The following POU1F1 variants were observed in gnomAD, a reference collection of about 807,000 sequenced individuals.
The protein encoded by POU1F1 is POU class 1 homeobox 1, also known as pituitary-specific positive transcription factor 1.
A neutral mutation model predicts 32.3 loss-of-function variants in POU1F1; 23 were observed. The observed-to-expected ratio is 0.71, with a 90% CI of 0.51 to 1.01. The LOEUF is 1.01. Ranked by LOEUF, POU1F1 falls within the 50% of genes least tolerant of loss-of-function variation. The pLI, the probability that POU1F1 is intolerant of heterozygous loss-of-function variation, is 0.00. For synonymous variants in POU1F1, 120 were observed against 115.6 expected (o/e 1.04, Z -0.25); for missense variants, 323 against 341.6 (o/e 0.95, Z 0.43).
chr3:87,260,072 A>G lies in POU1F1; in HGVS notation c.698T>C (p.Phe233Ser), dbSNP rs1329413918. ...AGAAGAAGGTTTATTCTGTTCTCCA[A>G]AGTGTCTCTCCAGAGCATCTTTAGC... ...IAAKDALERH[F>S]GEQNKPSSQE... Residue 233 changes from phenylalanine to serine, a missense_variant, in exon 6 of 6, where the codon TTT becomes TCT. Transcript: ENST00000350375. 1.9e-6 allele frequency: 3 copies of G among 1,613,834 alleles called. No individual in the cohort carries two copies. Among genetic ancestry groups the G allele is most frequent in the Non-Finnish European group, 2.5e-6 (3 of 1,179,932 alleles).
chr3:87,272,483 T>C (rs1706746312), intron 2 of POU1F1, among the ~76,000 whole-genome samples: 1 of 152,166 alleles, frequency 6.6e-6, no homozygotes, highest in Non-Finnish European at 1.5e-5. Flanking sequence ...CTGCGCATAA[T>C]AAAACTGTGT....
chr3:87,262,528 A>G (rs1189283213), intron 3 of POU1F1, among the ~76,000 whole-genome samples: 2 of 152,112 alleles, frequency 1.3e-5, no homozygotes, highest in African/African-American at 2.4e-5. Context: ...TGTGTCCTAA[A>G]CACTTCATAA....
intron 1 of POU1F1, 176 bp from the exon 2 acceptor site, chr3:87,273,594 C>A (rs879768379): frequency 7.9e-7 from 1 of 1,262,856 alleles, no homozygotes; most frequent in Non-Finnish European, 1.1e-6. Context: ...ATGTTTTTCT[C>A]ATTTTGGGTA....
chr3:87,260,995 C>T (rs1410812063), intron 5 of POU1F1, among the ~76,000 whole-genome samples: 7 of 151,982 alleles, frequency 4.6e-5, no homozygotes, highest in Middle Eastern at 6.8e-3. Context: ...ACTGCAACCT[C>T]CGCCTCCCAG....
At chr3:87,272,112 C>G (rs1706738006) in intron 2 of POU1F1, among the ~76,000 whole-genome samples, 1 of 150,348 alleles carries the variant, frequency 6.7e-6, no homozygotes, top group Non-Finnish European at 1.5e-5. Flanking sequence ...TGTATCATAA[C>G]AAAACACAAG....
intron 4 of POU1F1, 68 bp from the exon 5 acceptor site, chr3:87,261,401 G>A (rs936514360): frequency 4.1e-6 from 5 of 1,223,158 alleles, no homozygotes; most frequent in African/African-American, 1.5e-5. Context: ...GATCTGATTT[G>A]GATTTCAAAT....
chr3:87,266,907 A>T (rs1329031239), intron 2 of POU1F1, among the ~76,000 whole-genome samples: 1 of 152,062 alleles, frequency 6.6e-6, no homozygotes, highest in Admixed American at 6.6e-5. Flanking sequence ...TAAAACCTTC[A>T]CTTCTTTGAT....
chr3:87,274,714 A>G (rs1158392237), intron 1 of POU1F1, among the ~76,000 whole-genome samples: 2 of 151,640 alleles, frequency 1.3e-5, no homozygotes, highest in Admixed American at 1.3e-4. Flanking sequence ...CAGTGTTTCT[A>G]TAATAGTTCC....
chr3:87,266,227 TTTAA>T (rs1202102850), intron 2 of POU1F1, among the ~76,000 whole-genome samples: 1 of 147,070 alleles, frequency 6.8e-6, no homozygotes, highest in Non-Finnish European at 1.5e-5. Context: ...ATTTATTTAA[TTTAA>T]TTTATTTATA....
chr3:87,261,627 T>G (rs1369963087), intron 4 of POU1F1, among the ~76,000 whole-genome samples: 1 of 152,180 alleles, frequency 6.6e-6, no homozygotes, highest in African/African-American at 2.4e-5. Context: ...GCTCTGACAT[T>G]TGTATGAGTA....
At position 87,262,189 on chromosome 3, in the gene POU1F1, G is replaced by A. The variant is rs1706526416; in HGVS notation, c.486C>T (p.Gly162=). The change falls in exon 4 of 6, where the codon GGC becomes GGT. Residue 162 remains glycine (G), a synonymous_variant. Coordinates refer to ENST00000350375, the MANE Select transcript of POU1F1 (RefSeq NM_000306.4). The stretch of plus-strand genomic sequence containing the variant: ...AGATTGTTGTTTGACTGAATTCAGA[G>A]CCATGCACAGCTGCCAGGGCCTCCC... ...NVGEALAAVH[G]SEFSQTTICR... is the part of the protein sequence containing the mutation. The A allele has an allele frequency of 6.2e-6, 10 of 1,614,110 alleles. No homozygotes were observed. In the East Asian group the frequency reaches 8.9e-5, roughly 14 times the overall value.
rs983995878 is a variant in POU1F1 at position 87,268,174 on chromosome 3, C to A, written c.215-3662G>T. Among the ~76,000 whole-genome samples, 5 of 146,516 alleles carry A rather than the reference C, an allele frequency of 3.4e-5. No homozygotes were observed. The Admixed American group carries it at 3.5e-4, about 10-fold the overall frequency. On this transcript the variant is annotated intron_variant, in intron 2 of 5. Coordinates refer to ENST00000350375, the MANE Select transcript of POU1F1 (RefSeq NM_000306.4). ...GCTCACTGAAACCTATGCCTCCTAG[C>A]TTCAAGCAATTCTCCTGCCTCAGCC...
At chr3:87,260,997 G>A (rs1181571088) in intron 5 of POU1F1, among the ~76,000 whole-genome samples, 1 of 151,454 alleles carries the variant, frequency 6.6e-6, no homozygotes, top group Non-Finnish European at 1.5e-5. Context: ...TGCAACCTCC[G>A]CCTCCCAGGT....
chr3:87,260,806 T>A (rs1210546727), intron 5 of POU1F1, among the ~76,000 whole-genome samples: 1 of 151,926 alleles, frequency 6.6e-6, no homozygotes, highest in Non-Finnish European at 1.5e-5. Flanking sequence ...TAATTTTCCA[T>A]CAAATGTTGA....
At chr3:87,276,241 T>G in intron 1 of POU1F1, 80 bp downstream of exon 1, 1 of 1,511,080 alleles carries the variant, frequency 6.6e-7, no homozygotes, top group Non-Finnish European at 9.2e-7. Context: ...TGCAAAGAGA[T>G]TATTAACTAT....
At chr3:87,273,454 C>T in intron 1 of POU1F1, 36 bp from the exon 2 acceptor site, 1 of 1,610,662 alleles carries the variant, frequency 6.2e-7, no homozygotes. Context: ...GAAATGTGTG[C>T]ACAAACATTT....
At chr3:87,260,152 A>C (rs761503646) in intron 5 of POU1F1, 48 bp from the exon 6 acceptor site, 23 of 1,473,322 alleles carry the variant, frequency 1.6e-5, no homozygotes, top group Non-Finnish European at 2.1e-5. Context: ...TTTTTAGTGA[A>C]GTTTTTGGCA....
At chr3:87,266,216 T>A (rs1575978939) in intron 2 of POU1F1, among the ~76,000 whole-genome samples, 1 of 147,390 alleles carries the variant, frequency 6.8e-6, no homozygotes, top group East Asian at 1.9e-4. Context: ...AATATGTAGT[T>A]ATTTATTTAA....
At chr3:87,265,366 C>CA (rs1439898910) in intron 2 of POU1F1, among the ~76,000 whole-genome samples, 1 of 151,922 alleles carries the variant, frequency 6.6e-6, no homozygotes, top group East Asian at 1.9e-4. Context: ...TGTTAAATCA[C>CA]AAAAAATGTA....
Sources: gnomAD v4.1 joint callset for allele counts (sites outside exome capture counted in the v4.1 genomes callset) on GRCh38, gnomAD v4.1.1 for gene constraint, MANE v1.5 for transcripts, NCBI Gene and HGNC (gene_info 2026-07-23, HGNC 2026-07-21) for gene names.